NFIA: variants seen among roughly 807,000 people sequenced by gnomAD.
NFIA encodes the protein nuclear factor 1 A-type.
Under a neutral mutation model 62.8 loss-of-function variants are expected in NFIA, and 8 were observed. That is an observed-to-expected ratio of 0.13 (90% CI 0.07 to 0.23). The LOEUF (loss-of-function observed/expected upper bound fraction) is 0.23, where lower values mean the gene tolerates loss of function less well. NFIA is among the 10% of genes least tolerant of loss of function. The pLI, the probability that NFIA is intolerant of heterozygous loss-of-function variation, is 1.00. For missense variants in NFIA, 410 were observed against 642.1 expected, an observed-to-expected ratio of 0.64 and a Z score of 3.91; for synonymous variants, 235 against 238.1, an observed-to-expected ratio of 0.99 and a Z score of 0.12.
chr1:61,372,606 A>G (rs1219699756), intron 6 of NFIA, among the ~76,000 whole-genome samples: 3 of 151,030 alleles, frequency 2.0e-5, no homozygotes, highest in Non-Finnish European at 2.9e-5. Context: ...ATTTTGTCAG[A>G]TACAGTGCTT....
At chr1:61,255,915 A>T (rs187198299) in intron 2 of NFIA, among the ~76,000 whole-genome samples, 5 of 152,176 alleles carry the variant, frequency 3.3e-5, no homozygotes, top group Non-Finnish European at 7.3e-5. Flanking sequence ...ATGTCAACTA[A>T]TGTGGCCGCT....
chr1:61,325,892 C>T (rs1660907672), intron 3 of NFIA, among the ~76,000 whole-genome samples: 1 of 141,808 alleles, frequency 7.1e-6, no homozygotes, highest in African/African-American at 2.6e-5. Context: ...GAAATGGCGC[C>T]GCTGCACTCC....
chr1:61,330,257 T>C (rs1314981288), intron 3 of NFIA, among the ~76,000 whole-genome samples: 1 of 152,190 alleles, frequency 6.6e-6, no homozygotes, highest in Non-Finnish European at 1.5e-5. Flanking sequence ...TTGAGAGTCA[T>C]TGGCCTGTAG....
In NFIA at chr1:61,336,464, A is replaced by C. The variant is rs561420667; in HGVS notation, c.700+3878A>C. Among the ~76,000 whole-genome samples the C allele has an allele frequency of 7.2e-5, 11 of 152,320 alleles. 1 individual carries two copies. In the South Asian group the frequency reaches 1.9e-3, roughly 26 times the overall value. On this transcript the variant is annotated intron_variant, in intron 4 of 10. Coordinates refer to ENST00000403491, the MANE Select transcript of NFIA (RefSeq NM_001134673.4). The stretch of plus-strand genomic sequence containing the variant: ...CTCCAAAACAGTTTCCCCTATTGTT[A>C]ACATCGTTTGTTAGTGTGGTACATT...
At chr1:61,413,610 T>C (rs1299637291) in intron 9 of NFIA, among the ~76,000 whole-genome samples, 1 of 129,784 alleles carries the variant, frequency 7.7e-6, no homozygotes, top group Non-Finnish European at 1.6e-5. Context: ...CAACAAAGTA[T>C]TTTGCTTTTT....
chr1:61,267,765 C>T (rs1472775689), intron 2 of NFIA, among the ~76,000 whole-genome samples: 2 of 152,158 alleles, frequency 1.3e-5, no homozygotes, highest in Non-Finnish European at 2.9e-5. Flanking sequence ...ACTTGTTGCT[C>T]TACCCCAGTT....
intron 3 of NFIA, among the ~76,000 whole-genome samples, chr1:61,317,931 T>C (rs1244409642): frequency 1.3e-5 from 2 of 152,176 alleles, no homozygotes; most frequent in East Asian, 1.9e-4. Context: ...ATTAGTGTCA[T>C]TTTACAGGTG....
At chr1:61,249,677 C>T (rs888561965) in intron 2 of NFIA, among the ~76,000 whole-genome samples, 6 of 152,012 alleles carry the variant, frequency 3.9e-5, no homozygotes, top group African/African-American at 7.2e-5. Flanking sequence ...CGGTGGCAGT[C>T]GCCGGTAGTC....
In NFIA at chr1:61,460,868, T is replaced by C. The variant is rs2147962473; in HGVS notation, c.*5548T>C. On this transcript the variant is annotated 3_prime_UTR_variant, in exon 11 of 11. Coordinates refer to ENST00000403491, the MANE Select transcript of NFIA (RefSeq NM_001134673.4). ...ATTACTCAAAGTTATGTTAGTCTTTTTTTCCGACTTGGTTCTTGTCAGCTA... is the reference window on the plus strand; with the variant it reads ...ATTACTCAAAGTTATGTTAGTCTTTCTTTCCGACTTGGTTCTTGTCAGCTA... The C allele has an allele frequency of 6.6e-6, 1 of 152,336 alleles. No homozygotes were observed. Among genetic ancestry groups the C allele is most frequent in the South Asian group, 2.1e-4 (1 of 4,830 alleles). 9.4% of individuals were successfully genotyped at this position (152,336 alleles called of 1,614,324 possible).
chr1:61,229,546 C>G (rs1654540251), intron 2 of NFIA, among the ~76,000 whole-genome samples: 1 of 152,068 alleles, frequency 6.6e-6, no homozygotes, highest in Admixed American at 6.5e-5. Context: ...TAGATGTCAT[C>G]TCAAAGAGAA....
At chr1:61,349,510 T>C (rs529133834) in intron 4 of NFIA, among the ~76,000 whole-genome samples, 1 of 152,312 alleles carries the variant, frequency 6.6e-6, no homozygotes, top group South Asian at 2.1e-4. Context: ...AGTTATCCCA[T>C]ACTCCCCTGT....
intron 10 of NFIA, among the ~76,000 whole-genome samples, chr1:61,440,387 A>G (rs1405706663): frequency 1.3e-5 from 2 of 152,224 alleles, no homozygotes; most frequent in Non-Finnish European, 2.9e-5. Context: ...AGTAATAGTG[A>G]ATTGATTGCT....
intron 2 of NFIA, among the ~76,000 whole-genome samples, chr1:61,170,993 G>C (rs930292630): frequency 6.6e-6 from 1 of 152,214 alleles, no homozygotes; most frequent in African/African-American, 2.4e-5. Flanking sequence ...CTAATGCAGT[G>C]TTTGCCTTTG....
chr1:61,113,615 A>G (rs890544263), intron 2 of NFIA, among the ~76,000 whole-genome samples: 43 of 149,314 alleles, frequency 2.9e-4, no homozygotes, highest in African/African-American at 9.7e-4. Flanking sequence ...AAAAAAAAAA[A>G]AGAGAATATG....
intron 2 of NFIA, among the ~76,000 whole-genome samples, chr1:61,175,656 A>G (rs773497309): frequency 6.6e-6 from 1 of 152,246 alleles, no homozygotes; most frequent in Non-Finnish European, 1.5e-5. Flanking sequence ...CTAGTAGGCC[A>G]GTATTTATGC....
Position 61,256,148 on chromosome 1 carries a change from C to A in NFIA, c.560-21372C>A, listed in dbSNP as rs548413462. On this transcript the variant is annotated intron_variant, in intron 2 of 10. Coordinates refer to ENST00000403491, the MANE Select transcript of NFIA (RefSeq NM_001134673.4). ...TCGCAAAAAAATCTTAGCATGTTGG[C>A]CAGGCATGGTGGCTCACGCCTGTAA... Among the ~76,000 whole-genome samples, 16 of 152,254 alleles carry A rather than the reference C, an allele frequency of 1.1e-4. No individual in the cohort carries two copies. In the South Asian group the frequency reaches 3.3e-3, roughly 32 times the overall value.
intron 9 of NFIA, among the ~76,000 whole-genome samples, chr1:61,414,330 G>GA (rs1367733564): frequency 1.3e-5 from 2 of 152,144 alleles, no homozygotes; most frequent in African/African-American, 4.8e-5. Context: ...TTCATCCTCA[G>GA]AATAATCCTA....
intron 2 of NFIA, among the ~76,000 whole-genome samples, chr1:61,133,693 T>C (rs1557588523): frequency 6.6e-6 from 1 of 152,178 alleles, no homozygotes; most frequent in Non-Finnish European, 1.5e-5. Context: ...CTCCTCTGTT[T>C]TTTATAAAAA....
chr1:61,161,670 G>A (rs1649218180), intron 2 of NFIA, among the ~76,000 whole-genome samples: 2 of 151,902 alleles, frequency 1.3e-5, no homozygotes, highest in Non-Finnish European at 2.9e-5. Context: ...GAGTTTATCA[G>A]GATGTAACTC....
Sources: gnomAD v4.1 joint callset for allele counts (sites outside exome capture counted in the v4.1 genomes callset) on GRCh38, gnomAD v4.1.1 for gene constraint, MANE v1.5 for transcripts, NCBI Gene and HGNC (gene_info 2026-07-23, HGNC 2026-07-21) for gene names.